Variants in KAZN observed in about 807,000 individuals in gnomAD.
KAZN encodes kazrin.
KAZN carries 40 observed loss-of-function variants against 87.4 expected under a neutral mutation model. The observed-to-expected ratio is 0.46, with a 90% CI of 0.36 to 0.60. KAZN has a LOEUF of 0.60. Among genes scored for constraint, KAZN ranks in the 20% least tolerant of loss-of-function variants. KAZN has a pLI of 0.00. For synonymous variants in KAZN, 466 were observed against 458.3 expected (o/e 1.02, Z -0.22); for missense variants, 898 against 1,073.9 (o/e 0.84, Z 2.29).
At position 14,349,864 on chromosome 1, in the gene KAZN, C is replaced by T. The variant is rs112326323; in HGVS notation, c.249+169272C>T. On this transcript the variant is annotated intron_variant, in intron 2 of 16. Transcript: ENST00000636203. ...TTAAATAGTGACAAGAGGCCCGGTG[C>T]GGTGGCTCACGCCTGTAATCCCAGC... 3.9e-5 allele frequency among the ~76,000 whole-genome samples: 6 copies of T among 151,960 alleles called. No individual in the cohort carries two copies. In the East Asian group the frequency reaches 5.8e-4, roughly 15 times the overall value.
chr1:14,382,492 C>T (rs1661458975), intron 2 of KAZN, among the ~76,000 whole-genome samples: 1 of 114,312 alleles, frequency 8.7e-6, no homozygotes, highest in Non-Finnish European at 1.7e-5. Flanking sequence ...CAACAGGCCC[C>T]AGAGTGTGAT....
rs190521880 is a variant in KAZN, at chr1:14,556,438, C to A, written c.250-42545C>A. 3.2e-4 allele frequency among the ~76,000 whole-genome samples: 48 copies of A among 152,110 alleles called. No individual in the cohort carries two copies. In the East Asian group the frequency reaches 7.2e-3, roughly 23 times the overall value. On this transcript the variant is annotated intron_variant, in intron 2 of 16. Transcript: ENST00000636203. ...AAGAGCAGTTCTTAAGCACAGCACC[C>A]CATTAATTCATAAGCACATGAAAAT... is the stretch of plus-strand genomic sequence containing the variant.
At chr1:14,072,158 A>G (rs1317025192) in intron 1 of KAZN, among the ~76,000 whole-genome samples, 1 of 152,198 alleles carries the variant, frequency 6.6e-6, no homozygotes, top group Admixed American at 6.5e-5. Context: ...GATGAGGATG[A>G]TGATGGTGAT....
At chr1:14,598,340 C>T (rs924775050), upstream of KAZN, among the ~76,000 whole-genome samples, 7 of 152,178 alleles carry the variant, frequency 4.6e-5, no homozygotes, top group African/African-American at 1.7e-4. The surrounding 1 kb of genome is among the most constrained non-coding windows in gnomAD (Gnocchi z 4.2). Flanking sequence ...CCCCGGCTCC[C>T]CTCTGAGGCC....
intron 1 of KAZN, among the ~76,000 whole-genome samples, chr1:14,754,372 C>T (rs2100509014): frequency 6.6e-6 from 1 of 152,314 alleles, no homozygotes; most frequent in East Asian, 1.9e-4. Flanking sequence ...GTGGCTCACA[C>T]CTGTAATCCC....
chr1:14,466,609 T>G (rs1336464128), intron 2 of KAZN, among the ~76,000 whole-genome samples: 1 of 149,414 alleles, frequency 6.7e-6, no homozygotes. Context: ...CGATTACCTA[T>G]GCAACAAACC....
intron 2 of KAZN, among the ~76,000 whole-genome samples, chr1:14,321,890 G>A (rs1656074082): frequency 1.3e-5 from 2 of 152,134 alleles, no homozygotes; most frequent in Non-Finnish European, 2.9e-5. Flanking sequence ...CAAAAGAAGA[G>A]AGCTTACCCA....
chr1:14,762,818 C>G (rs1644779784), intron 1 of KAZN, among the ~76,000 whole-genome samples: 1 of 152,102 alleles, frequency 6.6e-6, no homozygotes. Flanking sequence ...CAGGCTGTGG[C>G]CTCAGCACTG....
At chr1:14,419,052 T>C (rs984588786) in intron 2 of KAZN, among the ~76,000 whole-genome samples, 1 of 152,208 alleles carries the variant, frequency 6.6e-6, no homozygotes, top group African/African-American at 2.4e-5. Flanking sequence ...AAGGATGCTA[T>C]ATATTTTTAT....
intron 4 of KAZN, among the ~76,000 whole-genome samples, chr1:15,049,750 G>A (rs1330706652): frequency 6.6e-6 from 1 of 152,150 alleles, no homozygotes; most frequent in African/African-American, 2.4e-5. Flanking sequence ...TAGGCCAGGT[G>A]TGGTGGCACA....
intron 2 of KAZN, among the ~76,000 whole-genome samples, chr1:14,374,510 TTATTA>T (rs1660748018): frequency 6.6e-6 from 1 of 152,214 alleles, no homozygotes; most frequent in African/African-American, 2.4e-5. Flanking sequence ...GAGAACTCAC[TTATTA>T]TATCCATTAT....
At chr1:14,688,751 T>G (rs899191885) in intron 1 of KAZN, among the ~76,000 whole-genome samples, 29 of 152,240 alleles carry the variant, frequency 1.9e-4, no homozygotes, top group African/African-American at 6.3e-4. Flanking sequence ...TGGTCAGGTG[T>G]CTGCTGTCTT....
intron 2 of KAZN, among the ~76,000 whole-genome samples, chr1:14,436,144 G>A (rs1418710527): frequency 5.9e-5 from 9 of 151,728 alleles, no homozygotes; most frequent in African/African-American, 1.7e-4. Context: ...CAGGAGACTC[G>A]CTTGAACCCG....
intron 2 of KAZN, among the ~76,000 whole-genome samples, chr1:14,332,925 G>C (rs146748873): frequency 6.6e-6 from 1 of 152,202 alleles, no homozygotes; most frequent in Non-Finnish European, 1.5e-5. Context: ...GGATGTGCAG[G>C]TTTGTTACAT....
chr1:14,358,267 C>T (rs1659204386), intron 2 of KAZN, among the ~76,000 whole-genome samples: 1 of 148,494 alleles, frequency 6.7e-6, no homozygotes, highest in Non-Finnish European at 1.5e-5. Flanking sequence ...GTGGTGATAC[C>T]CCCTGTTTCA....
At position 14,112,357 on chromosome 1, in the gene KAZN, G is replaced by A. The variant is rs183452877; in HGVS notation, c.92-68078G>A. On this transcript the variant is annotated intron_variant, in intron 1 of 16. Coordinates refer to the KAZN transcript ENST00000636203. The stretch of plus-strand genomic sequence containing the variant: ...AGTCTGGATGCTGTGTGACCATATG[G>A]TAGTGAGGACAAACCCACCACCGTT... Among the ~76,000 whole-genome samples the A allele has an allele frequency of 2.4e-5, 2 of 84,090 alleles. 1 individual carries two copies. Among genetic ancestry groups the A allele is most frequent in the East Asian group, 1.6e-3 (2 of 1,272 alleles). The allele number at this position is 84,090 out of a possible 152,430, so 55.2% of individuals were successfully genotyped here.
chr1:14,853,995 A>C (rs1572653357), intron 1 of KAZN, among the ~76,000 whole-genome samples: 1 of 152,310 alleles, frequency 6.6e-6, no homozygotes, highest in East Asian at 1.9e-4. Context: ...GAGAAGCTGC[A>C]GAGTCTCAGG....
At position 14,277,191 on chromosome 1, in the gene KAZN, C is replaced by T. The variant is rs546930899; in HGVS notation, c.249+96599C>T. Among the ~76,000 whole-genome samples the T allele has an allele frequency of 1.1e-4, 17 of 152,210 alleles. No individual in the cohort carries two copies. In the South Asian group the frequency reaches 1.9e-3, roughly 17 times the overall value. ...ATACTCAAAAATTAACAACGTATGG[C>T]CAATTGTATTTTGTCTATTACACAC... is the stretch of plus-strand genomic sequence containing the variant. On this transcript the variant is annotated intron_variant, in intron 2 of 16. Coordinates refer to the KAZN transcript ENST00000636203.
intron 1 of KAZN, among the ~76,000 whole-genome samples, chr1:14,760,485 A>G (rs1461926963): frequency 6.6e-6 from 1 of 152,206 alleles, no homozygotes; most frequent in East Asian, 1.9e-4. Context: ...CAGTTTGAAC[A>G]TGATTGGGCT....
Sources: gnomAD v4.1 joint callset for allele counts (sites outside exome capture counted in the v4.1 genomes callset) on GRCh38, gnomAD v4.1.1 for gene constraint, Gnocchi (gnomAD v3.1) non-coding constraint, MANE v1.5 for transcripts, NCBI Gene and HGNC (gene_info 2026-07-23, HGNC 2026-07-21) for gene names.